Variants in FHIT observed in about 807,000 individuals in gnomAD.
FHIT encodes the protein bis(5'-adenosyl)-triphosphatase.
FHIT carries 19 observed loss-of-function variants against 17.9 expected under a neutral mutation model. That is an observed-to-expected ratio of 1.06 (90% confidence interval 0.74 to 1.56). The LOEUF (loss-of-function observed/expected upper bound fraction) is 1.56. Among genes scored for constraint, FHIT ranks in the 40% most tolerant of loss-of-function variants. The pLI, the probability that FHIT is intolerant of heterozygous loss-of-function variation, is 0.00. For synonymous variants in FHIT, 81 were observed against 69.7 expected, an observed-to-expected ratio of 1.16 and a Z score of -0.81; for missense variants, 248 against 189.2, an observed-to-expected ratio of 1.31 and a Z score of -1.82.
At chr3:60,706,431 C>T (rs1052154433) in intron 4 of FHIT, among the ~76,000 whole-genome samples, 1 of 152,134 alleles carries the variant, frequency 6.6e-6, no homozygotes, top group Non-Finnish European at 1.5e-5. Flanking sequence ...AAAGTGAAAA[C>T]ATTAAAAGTG....
intron 4 of FHIT, among the ~76,000 whole-genome samples, chr3:60,685,965 A>G (rs1007159747): frequency 6.6e-6 from 1 of 152,060 alleles, no homozygotes; most frequent in African/African-American, 2.4e-5. Flanking sequence ...TTTTCTTGTC[A>G]TCCCAAAGAA....
At chr3:60,752,613 A>G (rs1391464258) in intron 4 of FHIT, among the ~76,000 whole-genome samples, 1 of 152,204 alleles carries the variant, frequency 6.6e-6, no homozygotes, top group Non-Finnish European at 1.5e-5. Context: ...GATACATTCC[A>G]CTTGTGTAGG....
intron 3 of FHIT, among the ~76,000 whole-genome samples, chr3:60,945,032 C>G (rs1400914787): frequency 6.6e-6 from 1 of 151,880 alleles, no homozygotes; most frequent in South Asian, 2.1e-4. Context: ...ATCAGGGAGT[C>G]GTAAGTCTTG....
chr3:60,304,860 T>G lies in FHIT; in HGVS notation c.103+232000A>C, dbSNP rs546885370. Among the ~76,000 whole-genome samples, 8 of 152,242 alleles carry G rather than the reference T, an allele frequency of 5.3e-5. No individual in the cohort carries two copies. The East Asian group carries it at 1.4e-3, about 26-fold the overall frequency. ...GATTGTACATCTCTATCAAACAAAG[T>G]TAAAGACAAGTTTTTATTAAAATCT... On this transcript the variant is annotated intron_variant, in intron 5 of 9. Transcript: ENST00000492590.
At chr3:60,020,487 C>A (rs181699441) in intron 5 of FHIT, among the ~76,000 whole-genome samples, 3 of 152,142 alleles carry the variant, frequency 2.0e-5, no homozygotes, top group African/African-American at 7.2e-5. Context: ...TTTGATTAGG[C>A]TGATTAGCCT....
At chr3:60,582,154 C>A (rs2037767289) in intron 4 of FHIT, among the ~76,000 whole-genome samples, 1 of 151,916 alleles carries the variant, frequency 6.6e-6, no homozygotes, top group African/African-American at 2.4e-5. Context: ...CCTAGAGATT[C>A]TGATTTATTT....
intron 5 of FHIT, among the ~76,000 whole-genome samples, chr3:60,145,615 G>C (rs1282627356): frequency 6.6e-6 from 1 of 152,114 alleles, no homozygotes; most frequent in African/African-American, 2.4e-5. Context: ...AACAAACATA[G>C]GATTCACATG....
chr3:60,594,238 G>T (rs920760759), intron 4 of FHIT, among the ~76,000 whole-genome samples: 1 of 151,568 alleles, frequency 6.6e-6, no homozygotes, highest in Non-Finnish European at 1.5e-5. Flanking sequence ...CTCAAATCTG[G>T]CCAGGCCGCA....
chr3:60,975,909 A>G (rs1273710291), intron 3 of FHIT, among the ~76,000 whole-genome samples: 2 of 152,076 alleles, frequency 1.3e-5, no homozygotes, highest in African/African-American at 4.8e-5. Flanking sequence ...ACATATTCAA[A>G]TCATTACCAA....
At chr3:60,610,061 C>A (rs2038737598) in intron 4 of FHIT, among the ~76,000 whole-genome samples, 1 of 152,176 alleles carries the variant, frequency 6.6e-6, no homozygotes, top group African/African-American at 2.4e-5. Context: ...AGAGACCACA[C>A]AGTAAATAAA....
At chr3:60,178,330 T>G (rs897749296) in intron 5 of FHIT, among the ~76,000 whole-genome samples, 3 of 152,128 alleles carry the variant, frequency 2.0e-5, no homozygotes, top group Non-Finnish European at 4.4e-5. Flanking sequence ...CTCACACCTG[T>G]AATCCCAGCA....
chr3:60,097,011 T>C (rs552040507), intron 5 of FHIT, among the ~76,000 whole-genome samples: 1 of 124,194 alleles, frequency 8.1e-6, no homozygotes, highest in South Asian at 2.9e-4. Context: ...TGAGACCCTA[T>C]CTCTGTTATT....
chr3:60,425,281 A>T (rs1386930809), intron 5 of FHIT, among the ~76,000 whole-genome samples: 1 of 152,166 alleles, frequency 6.6e-6, no homozygotes, highest in Admixed American at 6.5e-5. Flanking sequence ...TAGAGAAGCA[A>T]TGATTTTGTT....
chr3:59,870,090 G>T (rs1213971795), intron 8 of FHIT, among the ~76,000 whole-genome samples: 2 of 152,042 alleles, frequency 1.3e-5, no homozygotes, highest in Admixed American at 6.5e-5. Context: ...TTTACTCAAG[G>T]TCATACAGCT....
chr3:59,834,432 G>GAGAC (rs1190218380), intron 8 of FHIT, among the ~76,000 whole-genome samples: 1 of 152,136 alleles, frequency 6.6e-6, no homozygotes, highest in African/African-American at 2.4e-5. Flanking sequence ...GAGAGACAGA[G>GAGAC]AGACAGACAG....
intron 5 of FHIT, among the ~76,000 whole-genome samples, chr3:60,193,915 T>C (rs1702510478): frequency 6.6e-6 from 1 of 152,170 alleles, no homozygotes. Context: ...GGGCTCGCTT[T>C]CCAATCTAAA....
chr3:60,910,689 G>C (rs1389043007), intron 3 of FHIT, among the ~76,000 whole-genome samples: 1 of 152,170 alleles, frequency 6.6e-6, no homozygotes, highest in African/African-American at 2.4e-5. Flanking sequence ...TGGGATTACA[G>C]GCATGAGCCA....
chr3:61,142,815 G>C (rs1401853079), intron 2 of FHIT, among the ~76,000 whole-genome samples: 2 of 152,076 alleles, frequency 1.3e-5, no homozygotes, highest in Admixed American at 1.3e-4. Context: ...AGCCTGTAAT[G>C]AACATATTTT....
At chr3:60,844,600 T>C (rs1483781763) in intron 3 of FHIT, among the ~76,000 whole-genome samples, 3 of 152,148 alleles carry the variant, frequency 2.0e-5, no homozygotes, top group Non-Finnish European at 2.9e-5. Context: ...ATCAATTCTT[T>C]CTTAATGCCA....
Sources: allele counts gnomAD v4.1 joint callset (sites outside exome capture counted in the v4.1 genomes callset), GRCh38; gene constraint gnomAD v4.1.1; transcripts MANE v1.5; gene names NCBI Gene and HGNC (gene_info 2026-07-23, HGNC 2026-07-21).